The following PITPNA variants were observed in gnomAD, a reference collection of about 807,000 sequenced individuals.
PITPNA encodes phosphatidylinositol transfer protein alpha.
Under a neutral mutation model 50.3 loss-of-function variants are expected in PITPNA, and 13 were observed. The ratio of observed to expected loss-of-function variants is 0.26; its 90% CI spans 0.17 to 0.41. The LOEUF is 0.41. Ranked by LOEUF, PITPNA falls within the 10% of genes least tolerant of loss-of-function variation. PITPNA has a pLI of 1.00. For synonymous variants in PITPNA, 120 were observed against 119.6 expected (o/e 1.00, Z -0.02); for missense variants, 207 against 333.4 (o/e 0.62, Z 2.95).
rs562169589 is a variant in PITPNA at position 1,536,328 on chromosome 17, G to C, written c.457-810C>G. ...TTTGAGAGGGAGTCTCGCTCTGTTG[G>C]CCAGGCTGGAGTGCAGTAGCGCGAT... On this transcript the variant is annotated intron_variant, in intron 7 of 11. Coordinates refer to ENST00000313486, the MANE Select transcript of PITPNA (RefSeq NM_006224.4). Among the ~76,000 whole-genome samples the C allele has an allele frequency of 3.2e-4, 48 of 149,854 alleles. 1 individual carries two copies. The highest frequency in any genetic ancestry group is 1.1e-3 in the Admixed American group (16 of 15,020).
chr17:1,535,549 G>A (rs2075610795), intron 7 of PITPNA, 31 bp from the exon 8 acceptor site: 5 of 1,414,552 alleles, frequency 3.5e-6, no homozygotes, highest in African/African-American at 2.8e-5. Context: ...GGGGTTGGAG[G>A]GGAGTGGGAG....
At chr17:1,551,108 A>G (rs1460814253) in intron 3 of PITPNA, among the ~76,000 whole-genome samples, 1 of 151,100 alleles carries the variant, frequency 6.6e-6, no homozygotes. Context: ...GGCGAGTGAG[A>G]GTGTTGCGGG....
In PITPNA at chr17:1,538,898, T is replaced by C. The variant is rs941545844; in HGVS notation, c.427A>G (p.Ile143Val). The change falls in exon 7 of 12, where the codon ATT becomes GTT. Residue 143 changes from isoleucine (I) to valine (V), a missense_variant. Coordinates refer to ENST00000313486, the MANE Select transcript of PITPNA (RefSeq NM_006224.4). ...WKHVEAVYID[I>V]ADRSQVLSKD... Reference sequence around the variant, plus strand: ...CTGAGCACTTGGCTTCGATCTGCAATGTCTATATATACGGCTTCCACGTGT... The same window carrying C: ...CTGAGCACTTGGCTTCGATCTGCAACGTCTATATATACGGCTTCCACGTGT... The C allele has an allele frequency of 1.9e-6, 3 of 1,613,656 alleles. No individual in the cohort carries two copies. Among genetic ancestry groups the C allele is most frequent in the Non-Finnish European group, 1.7e-6 (2 of 1,179,704 alleles).
chr17:1,560,231 G>A (rs1226447205), intron 1 of PITPNA, among the ~76,000 whole-genome samples: 2 of 152,196 alleles, frequency 1.3e-5, no homozygotes, highest in Non-Finnish European at 2.9e-5. Flanking sequence ...TTGCTCCTTA[G>A]GAACAAAACC....
At position 1,552,841 on chromosome 17, in the gene PITPNA, C is replaced by A. The variant is rs569707707; in HGVS notation, c.197+163G>T. On this transcript the variant is annotated intron_variant, in intron 3 of 11. Coordinates refer to ENST00000313486, the MANE Select transcript of PITPNA (RefSeq NM_006224.4). ...CAAAAAAGGAATAGTATATTCCCAT[C>A]TATATAAATGTGAGTATAACATTTA... Among the ~76,000 whole-genome samples, 17 of 152,272 alleles carry A rather than the reference C, an allele frequency of 1.1e-4. No homozygotes were observed. In the South Asian group the frequency reaches 3.5e-3, roughly 32 times the overall value.
At chr17:1,552,376 TCA>T (rs1293702360) in intron 3 of PITPNA, among the ~76,000 whole-genome samples, 4 of 152,226 alleles carry the variant, frequency 2.6e-5, no homozygotes, top group African/African-American at 7.2e-5. Flanking sequence ...TTGGGTCTGC[TCA>T]CAGTTTGCTG....
rs1598400445 is a variant in PITPNA at position 1,519,211 on chromosome 17, C to A, written c.*1350G>T. 1 of 152,476 alleles carries A rather than the reference C, an allele frequency of 6.6e-6. No individual in the cohort carries two copies. The highest frequency in any genetic ancestry group is 1.5e-5 in the Non-Finnish European group (1 of 68,048). The allele number at this position is 152,476 out of a possible 1,614,324, so 9.4% of individuals were successfully genotyped here. On this transcript the variant is annotated 3_prime_UTR_variant, in exon 12 of 12. Coordinates refer to ENST00000313486, the MANE Select transcript of PITPNA (RefSeq NM_006224.4). ...AGATTTGGTCTCCCATTAGCAGATG[C>A]ACCCAGGCTAGTGTGGGCTGGGATC...
intron 6 of PITPNA, among the ~76,000 whole-genome samples, chr17:1,539,612 C>A (rs961718556): frequency 2.7e-5 from 4 of 147,830 alleles, no homozygotes; most frequent in Non-Finnish European, 6.0e-5. Context: ...CCTGTCACAG[C>A]CTCCTGAGGA....
chr17:1,541,622 C>T lies in PITPNA; in HGVS notation c.316G>A (p.Asp106Asn). 1.2e-6 allele frequency: 2 copies of T among 1,612,120 alleles called. No homozygotes were observed. Among genetic ancestry groups the T allele is most frequent in the Non-Finnish European group, 1.7e-6 (2 of 1,178,200 alleles). ...CAGGTTTCAATTTTAATCAGAAAGT[C>T]TTCTTTCATGTACTCATTCTGGAAG... is the stretch of plus-strand genomic sequence containing the variant. ...TVITNEYMKE[D>N]FLIKIETWHK... The change falls in exon 6 of 12, where the codon GAC becomes AAC. Residue 106 changes from aspartate (D) to asparagine (N), a missense_variant. Coordinates refer to ENST00000313486, the MANE Select transcript of PITPNA (RefSeq NM_006224.4).
chr17:1,534,074 GAGAGCCCCC>G lies in PITPNA; in HGVS notation c.768+16_768+24del. ...TTAATCTTCGTTTGTTTATCTAATT[GAGAGCCCCC>G]AGAGCCCCCACTTACTTCATCCAGC... On this transcript the variant is annotated intron_variant, in intron 10 of 11. Transcript: ENST00000313486. The G allele has an allele frequency of 1.2e-6, 2 of 1,612,986 alleles. No individual in the cohort carries two copies. The highest frequency in any genetic ancestry group is 1.7e-6 in the Non-Finnish European group (2 of 1,179,312).
At chr17:1,558,177 G>A (rs2075747399) in intron 2 of PITPNA, among the ~76,000 whole-genome samples, 1 of 151,010 alleles carries the variant, frequency 6.6e-6, no homozygotes, top group South Asian at 2.1e-4. Flanking sequence ...GTTGCAGTGA[G>A]CGGAGATCGC....
At chr17:1,548,737 C>A (rs1383257379) in intron 3 of PITPNA, among the ~76,000 whole-genome samples, 1 of 152,172 alleles carries the variant, frequency 6.6e-6, no homozygotes, top group Non-Finnish European at 1.5e-5. Context: ...AAAGGAGATG[C>A]CTCCAAGCAT....
At chr17:1,546,619 C>T (rs577092043) in intron 4 of PITPNA, among the ~76,000 whole-genome samples, 16 of 152,186 alleles carry the variant, frequency 1.1e-4, no homozygotes, top group African/African-American at 3.9e-4. Flanking sequence ...TGTACCCACA[C>T]ATGGAGGCTG....
chr17:1,548,398 G>A lies in PITPNA; in HGVS notation c.198-11C>T. On this transcript the variant is annotated splice_polypyrimidine_tract_variant and intron_variant, in intron 3 of 11. Transcript: ENST00000313486. The stretch of plus-strand genomic sequence containing the variant: ...AACGTGGGTACTTTGCTATAGCGGG[G>A]AAAAAAAGGGGTATAAAGAGAAATG... 1 of 1,559,982 alleles carries A rather than the reference G, an allele frequency of 6.4e-7. No individual in the cohort carries two copies. Among genetic ancestry groups the A allele is most frequent in the Non-Finnish European group, 8.7e-7 (1 of 1,147,074 alleles).
At chr17:1,550,211 G>A (rs1329073489) in intron 3 of PITPNA, among the ~76,000 whole-genome samples, 1 of 152,198 alleles carries the variant, frequency 6.6e-6, no homozygotes, top group African/African-American at 2.4e-5. Context: ...CCACCCTCAA[G>A]GAGTTTCCGG....
Position 1,519,251 on chromosome 17 carries a change from C to T in PITPNA, c.*1310G>A, listed in dbSNP as rs1053349347. The T allele has an allele frequency of 6.6e-6, 1 of 152,328 alleles. No individual in the cohort carries two copies. The highest frequency in any genetic ancestry group is 2.4e-5 in the African/African-American group (1 of 41,436). The allele number at this position is 152,328 out of a possible 1,614,324, so 9.4% of individuals were successfully genotyped here. A position where few individuals can be genotyped will look rare whatever the true frequency, so the allele number is the denominator to read the frequency against. ...GGGCTGGGATCACGGCACACTTAGGCCAACGTGCTTCACAAGGTTTGGGGA... is the reference window on the plus strand; with the variant it reads ...GGGCTGGGATCACGGCACACTTAGGTCAACGTGCTTCACAAGGTTTGGGGA... On this transcript the variant is annotated 3_prime_UTR_variant, in exon 12 of 12. Transcript: ENST00000313486.
Position 1,558,570 on chromosome 17 carries a change from G to C in PITPNA, c.21-11C>G. 6.3e-7 allele frequency: 1 copy of C among 1,596,826 alleles called. No individual in the cohort carries two copies. Among genetic ancestry groups the C allele is most frequent in the Non-Finnish European group, 8.6e-7 (1 of 1,165,686 alleles). On this transcript the variant is annotated splice_polypyrimidine_tract_variant and intron_variant, in intron 1 of 11. Transcript: ENST00000313486. ...GGCAGGATTACTCGACTATAAGAAA[G>C]GGAAAAGAGAGTATCAACTTTAGGC...
intron 3 of PITPNA, 56 bp downstream of exon 3, chr17:1,552,948 A>T: frequency 1.3e-6 from 2 of 1,570,322 alleles, no homozygotes; most frequent in Non-Finnish European, 1.7e-6. Context: ...AGGAAATAAC[A>T]CTCATTCACA....
Position 1,562,442 on chromosome 17 carries a change from T to C in PITPNA, c.20+99A>G. On this transcript the variant is annotated intron_variant, in intron 1 of 11. Coordinates refer to ENST00000313486, the MANE Select transcript of PITPNA (RefSeq NM_006224.4). This position sits in a 1 kb window ranked among gnomAD's most constrained non-coding sequence, Gnocchi z 6.4. ...AGGCACCCTCCGTCCCTGCTGCCCC[T>C]CCGTCCATCCGGGCCCTGCGTCCCT... 4.2e-6 allele frequency: 4 copies of C among 946,666 alleles called. No individual in the cohort carries two copies. Among genetic ancestry groups the C allele is most frequent in the South Asian group, 3.9e-5 (2 of 51,852 alleles). 58.6% of individuals were successfully genotyped at this position (946,666 alleles called of 1,614,324 possible).
Sources: gnomAD v4.1 joint callset for allele counts (sites outside exome capture counted in the v4.1 genomes callset) on GRCh38, gnomAD v4.1.1 for gene constraint, Gnocchi (gnomAD v3.1) non-coding constraint, MANE v1.5 for transcripts, NCBI Gene and HGNC (gene_info 2026-07-23, HGNC 2026-07-21) for gene names.